The following KIAA1217 variants were observed in gnomAD, a reference collection of about 807,000 sequenced individuals.
KIAA1217 encodes KIAA1217.
KIAA1217 carries 88 observed loss-of-function variants against 163.9 expected under a neutral mutation model. The ratio of observed to expected loss-of-function variants is 0.54; its 90% CI spans 0.45 to 0.64. KIAA1217 has a LOEUF of 0.64. Among genes scored for constraint, KIAA1217 ranks in the 30% least tolerant of loss-of-function variants. KIAA1217 has a pLI of 0.00. For synonymous variants in KIAA1217, 903 were observed against 923.1 expected, an observed-to-expected ratio of 0.98 and a Z score of 0.39; for missense variants, 2,372 against 2,475.0, an observed-to-expected ratio of 0.96 and a Z score of 0.88.
At chr10:23,712,691 C>A (rs1370357269) in intron 1 of KIAA1217, among the ~76,000 whole-genome samples, 1 of 151,918 alleles carries the variant, frequency 6.6e-6, no homozygotes, top group African/African-American at 2.4e-5. Flanking sequence ...GCCTTTGAAC[C>A]TGTTTATGGG....
At chr10:24,538,879 G>A (rs964874843) in intron 17 of KIAA1217, among the ~76,000 whole-genome samples, 10 of 151,612 alleles carry the variant, frequency 6.6e-5, no homozygotes, top group South Asian at 2.1e-4. Flanking sequence ...GATTACAGGC[G>A]CCTGCCACCA....
At chr10:23,869,753 A>G (rs1475492478) in intron 1 of KIAA1217, among the ~76,000 whole-genome samples, 1 of 152,064 alleles carries the variant, frequency 6.6e-6, no homozygotes, top group African/African-American at 2.4e-5. Context: ...GCCGCCAAGA[A>G]TTCCACATGA....
intron 2 of KIAA1217, among the ~76,000 whole-genome samples, chr10:24,019,627 T>C (rs765097304): frequency 2.0e-5 from 3 of 151,852 alleles, no homozygotes; most frequent in Non-Finnish European, 2.9e-5. Context: ...AACTCTGAGG[T>C]TGCAGTGCAA....
At chr10:23,822,963 G>C (rs535221351) in intron 1 of KIAA1217, among the ~76,000 whole-genome samples, 1 of 152,278 alleles carries the variant, frequency 6.6e-6, no homozygotes, top group African/African-American at 2.4e-5. Context: ...TTTATTAGGA[G>C]TTATTAACCT....
chr10:24,469,494 C>T (rs535020200), intron 5 of KIAA1217, among the ~76,000 whole-genome samples: 37 of 151,980 alleles, frequency 2.4e-4, no homozygotes, highest in African/African-American at 7.5e-4. Context: ...TAATTGGGAT[C>T]GTAGTCCCCC....
chr10:24,140,384 C>T (rs2064012651), intron 2 of KIAA1217, among the ~76,000 whole-genome samples: 2 of 151,210 alleles, frequency 1.3e-5, no homozygotes, highest in Admixed American at 1.3e-4. Flanking sequence ...AAAGAAATCA[C>T]TTTATGGCTT....
chr10:24,044,911 C>CCT (rs1448293312), intron 2 of KIAA1217, among the ~76,000 whole-genome samples: 1 of 152,068 alleles, frequency 6.6e-6, no homozygotes, highest in Admixed American at 6.6e-5. Context: ...TCTCTGCATT[C>CCT]CTCAGTTCTT....
chr10:23,974,314 C>T (rs1385464225), intron 1 of KIAA1217, among the ~76,000 whole-genome samples: 4 of 152,128 alleles, frequency 2.6e-5, no homozygotes, highest in Admixed American at 2.6e-4. Context: ...CAATACATAG[C>T]CTCAAGAGAC....
chr10:24,379,461 A>G (rs1163525226), intron 2 of KIAA1217, among the ~76,000 whole-genome samples: 3 of 152,214 alleles, frequency 2.0e-5, no homozygotes, highest in Admixed American at 6.5e-5. Context: ...TAGAACACCC[A>G]GTCATCTCCT....
chr10:24,094,100 G>A (rs372883307), intron 2 of KIAA1217, among the ~76,000 whole-genome samples: 18 of 151,944 alleles, frequency 1.2e-4, no homozygotes, highest in South Asian at 2.1e-4. Flanking sequence ...GAATAGTGCC[G>A]CAATAAACAT....
intron 1 of KIAA1217, among the ~76,000 whole-genome samples, chr10:24,005,179 T>C (rs1472525311): frequency 6.6e-6 from 1 of 152,256 alleles, no homozygotes; most frequent in Non-Finnish European, 1.5e-5. Context: ...AAGTGTTGGC[T>C]TATTCATTTG....
chr10:24,012,099 C>T (rs1847259138), intron 2 of KIAA1217, among the ~76,000 whole-genome samples: 1 of 152,154 alleles, frequency 6.6e-6, no homozygotes, highest in South Asian at 2.1e-4. Flanking sequence ...ATTTTACGAT[C>T]TAAAGCAGAC....
chr10:24,448,280 C>T (rs867763990), intron 5 of KIAA1217, among the ~76,000 whole-genome samples: 2 of 152,012 alleles, frequency 1.3e-5, no homozygotes, highest in African/African-American at 4.8e-5. Context: ...GTTGAATTCA[C>T]CTGTGGTAGA....
upstream of KIAA1217, among the ~76,000 whole-genome samples, chr10:24,208,174 T>A (rs182231902): frequency 6.6e-6 from 1 of 151,076 alleles, no homozygotes; most frequent in East Asian, 2.0e-4. Context: ...CTCTGGGAAC[T>A]CTGCCAGTTT....
intron 2 of KIAA1217, among the ~76,000 whole-genome samples, chr10:24,290,739 G>T (rs1438087632): frequency 2.0e-5 from 3 of 151,704 alleles, no homozygotes; most frequent in Non-Finnish European, 4.4e-5. Flanking sequence ...AGTAGCTGGG[G>T]TTACAGGTGC....
intron 2 of KIAA1217, among the ~76,000 whole-genome samples, chr10:24,015,988 C>T (rs546921272): frequency 6.6e-6 from 1 of 151,874 alleles, no homozygotes; most frequent in Non-Finnish European, 1.5e-5. Context: ...CAGTTTATTT[C>T]TTAACATGCC....
chr10:24,023,959 G>A (rs1299566734), intron 2 of KIAA1217, among the ~76,000 whole-genome samples: 1 of 151,358 alleles, frequency 6.6e-6, no homozygotes, highest in African/African-American at 2.4e-5. Context: ...CAAGGTGAGG[G>A]GACGCAGTAT....
chr10:23,836,932 AGGGAG>A (rs370027851), intron 1 of KIAA1217, among the ~76,000 whole-genome samples: 7,298 of 70,768 alleles, frequency 0.1, 606 homozygotes, highest in African/African-American at 0.3. Flanking sequence ...GAAGGAAGGA[AGGGAG>A]GGAGGGAGGG....
chr10:23,961,826 G>A (rs1844830998), intron 1 of KIAA1217, among the ~76,000 whole-genome samples: 1 of 152,130 alleles, frequency 6.6e-6, no homozygotes, highest in Non-Finnish European at 1.5e-5. Flanking sequence ...GGGCTGTGAA[G>A]GATCTATTCC....
Sources: allele counts gnomAD v4.1 joint callset (sites outside exome capture counted in the v4.1 genomes callset), GRCh38; gene constraint gnomAD v4.1.1; transcripts MANE v1.5; gene names NCBI Gene and HGNC (gene_info 2026-07-23, HGNC 2026-07-21).